Variants in DCT observed in about 807,000 individuals in gnomAD.
The protein encoded by DCT is dopachrome tautomerase, also known as L-dopachrome tautomerase.
A neutral mutation model predicts 53.0 loss-of-function variants in DCT; 47 were observed. The observed-to-expected ratio is 0.89, with a 90% confidence interval of 0.70 to 1.13. The LOEUF is 1.13. Ranked by LOEUF, DCT falls within the 50% of genes most tolerant of loss-of-function variation. DCT has a pLI of 0.00. For missense variants in DCT, 669 were observed against 637.4 expected (o/e 1.05, Z -0.53); for synonymous variants, 244 against 237.0 (o/e 1.03, Z -0.27).
the DCT span, among the ~76,000 whole-genome samples, chr13:94,521,611 A>C: frequency 6.6e-6 from 1 of 152,240 alleles, no homozygotes; most frequent in East Asian, 1.9e-4. Flanking sequence ...TGGAGGTTGC[A>C]GTGAGCTGAG....
chr13:94,470,352 G>C (rs1884561844), intron 1 of DCT, among the ~76,000 whole-genome samples: 1 of 152,132 alleles, frequency 6.6e-6, no homozygotes, highest in East Asian at 1.9e-4. Flanking sequence ...CAGGGAAGGA[G>C]GACAGGACTA....
chr13:94,452,299 C>T (rs1418534051), intron 6 of DCT, among the ~76,000 whole-genome samples: 1 of 152,214 alleles, frequency 6.6e-6, no homozygotes, highest in African/African-American at 2.4e-5. Context: ...TCCCAAAGTG[C>T]TGGGATTACA....
chr13:94,546,458 A>G, the DCT span, among the ~76,000 whole-genome samples: 2 of 152,114 alleles, frequency 1.3e-5, no homozygotes, highest in African/African-American at 4.8e-5. The surrounding 1 kb of genome is among the most constrained non-coding windows in gnomAD (Gnocchi z 4.2). Context: ...TATGATTACC[A>G]TCTGTCCTTA....
At chr13:94,474,046 T>G (rs190851128) in intron 1 of DCT, among the ~76,000 whole-genome samples, 4 of 152,340 alleles carry the variant, frequency 2.6e-5, no homozygotes, top group Admixed American at 2.0e-4. Context: ...CAATTTAACA[T>G]GATTTAGTTT....
chr13:94,452,756 A>G, intron 6 of DCT: 3 of 561,418 alleles, frequency 5.3e-6, no homozygotes, highest in East Asian at 6.2e-5. Context: ...AATACTATAC[A>G]GCTATAAAAA....
chr13:94,445,836 G>A (rs1158919553), intron 6 of DCT: 25 of 1,049,826 alleles, frequency 2.4e-5, no homozygotes, highest in Non-Finnish European at 3.3e-5. Context: ...ATTGGGACCC[G>A]CTGCCCCATG....
the DCT span, among the ~76,000 whole-genome samples, chr13:94,507,661 C>T: frequency 1.3e-5 from 2 of 152,140 alleles, no homozygotes; most frequent in South Asian, 2.1e-4. Flanking sequence ...CCACCATGCC[C>T]GGCTAATTTT....
upstream of DCT, among the ~76,000 whole-genome samples, chr13:94,481,807 G>A (rs1885456220): frequency 6.6e-6 from 1 of 152,134 alleles, no homozygotes; most frequent in Non-Finnish European, 1.5e-5. Context: ...CCTCCCAAAT[G>A]TGTTCTCCAT....
chr13:94,461,945 T>A, intron 5 of DCT, 65 bp downstream of exon 5: 2 of 1,441,234 alleles, frequency 1.4e-6, no homozygotes, highest in South Asian at 1.3e-5. Flanking sequence ...CTTCCAGTTC[T>A]TTACAATCAC....
intron 7 of DCT, among the ~76,000 whole-genome samples, chr13:94,442,956 T>C (rs41300604): frequency 6.6e-6 from 1 of 152,240 alleles, no homozygotes; most frequent in Non-Finnish European, 1.5e-5. Context: ...CTGAGTTTTC[T>C]GGCCTCCTCT....
chr13:94,495,341 C>T, the DCT span, among the ~76,000 whole-genome samples: 1 of 152,212 alleles, frequency 6.6e-6, no homozygotes, highest in Admixed American at 6.5e-5. Context: ...AAGTAATCCA[C>T]TCAGCTCGGC....
chr13:94,519,389 G>A, the DCT span, among the ~76,000 whole-genome samples: 1 of 152,104 alleles, frequency 6.6e-6, no homozygotes, highest in African/African-American at 2.4e-5. Flanking sequence ...TTAGGAGCTT[G>A]GGAGTTATAA....
At chr13:94,542,466 C>T in the DCT span, among the ~76,000 whole-genome samples, 3 of 152,192 alleles carry the variant, frequency 2.0e-5, no homozygotes, top group African/African-American at 7.2e-5. Flanking sequence ...GCTGGGATTA[C>T]AGGTGTAAGG....
At chr13:94,532,242 T>C in the DCT span, among the ~76,000 whole-genome samples, 1 of 152,154 alleles carries the variant, frequency 6.6e-6, no homozygotes, top group South Asian at 2.1e-4. Context: ...TCCTCAAGGA[T>C]CTAGAACTAG....
intron 6 of DCT, among the ~76,000 whole-genome samples, chr13:94,456,845 T>C (rs751420891): frequency 2.0e-5 from 3 of 152,198 alleles, no homozygotes; most frequent in Non-Finnish European, 4.4e-5. Flanking sequence ...AAAACAAACT[T>C]CTGGCTGGGT....
chr13:94,506,647 A>G, the DCT span, among the ~76,000 whole-genome samples: 1 of 152,224 alleles, frequency 6.6e-6, no homozygotes, highest in Admixed American at 6.5e-5. Flanking sequence ...CACAGTAATC[A>G]TTATGGATTA....
At chr13:94,474,031 T>C (rs1008084147) in intron 1 of DCT, among the ~76,000 whole-genome samples, 9 of 152,202 alleles carry the variant, frequency 5.9e-5, no homozygotes, top group Non-Finnish European at 1.0e-4. Flanking sequence ...AATAGCATCT[T>C]CCATCAATTT....
the DCT span, among the ~76,000 whole-genome samples, chr13:94,499,065 GGT>G: frequency 6.6e-6 from 1 of 152,124 alleles, no homozygotes; most frequent in Non-Finnish European, 1.5e-5. Flanking sequence ...ACCCCATTCG[GGT>G]CCCCTTCCAC....
the DCT span, among the ~76,000 whole-genome samples, chr13:94,544,190 T>TA: frequency 6.6e-6 from 1 of 152,166 alleles, no homozygotes; most frequent in Non-Finnish European, 1.5e-5. Flanking sequence ...TATTTTTTTT[T>TA]ATTTATTTGT....
Sources: gnomAD v4.1 joint callset for allele counts (sites outside exome capture counted in the v4.1 genomes callset) on GRCh38, gnomAD v4.1.1 for gene constraint, Gnocchi (gnomAD v3.1) non-coding constraint, MANE v1.5 for transcripts, NCBI Gene and HGNC (gene_info 2026-07-23, HGNC 2026-07-21) for gene names.